Variants in DENND2A observed in about 807,000 individuals in gnomAD.
DENND2A encodes DENN domain containing 2A.
A neutral mutation model predicts 105.3 loss-of-function variants in DENND2A; 53 were observed. The ratio of observed to expected loss-of-function variants is 0.50; its 90% CI spans 0.40 to 0.63. The LOEUF (loss-of-function observed/expected upper bound fraction) is 0.63, where lower values mean the gene tolerates loss of function less well. Among genes scored for constraint, DENND2A ranks in the 30% least tolerant of loss-of-function variants. The pLI, the probability that DENND2A is intolerant of heterozygous loss-of-function variation, is 0.00. For missense variants in DENND2A, 1,138 were observed against 1,279.6 expected (o/e 0.89, Z 1.69); for synonymous variants, 522 against 508.4 (o/e 1.03, Z -0.36).
In DENND2A at chr7:140,520,839, GC is replaced by G. The variant is rs927392321; in HGVS notation, c.2911+1015del. On this transcript the variant is annotated intron_variant, in intron 18 of 19. Coordinates refer to ENST00000496613, the MANE Select transcript of DENND2A (RefSeq NM_015689.5). ...CTCTCAAAGTGCTGGGATTACAGGC[GC>G]GCGCCACAGCGCCCGGCTTTTTCCA... Among the ~76,000 whole-genome samples the G allele has an allele frequency of 5.6e-4, 84 of 151,014 alleles. 1 individual carries two copies. Among genetic ancestry groups the G allele is most frequent in the Admixed American group, 1.3e-4 (2 of 15,188 alleles).
In DENND2A at chr7:140,585,718, C is replaced by T; in HGVS notation, c.1124-8G>A. On this transcript the variant is annotated splice_region_variant and splice_polypyrimidine_tract_variant and intron_variant, in intron 4 of 19. Coordinates refer to ENST00000496613, the MANE Select transcript of DENND2A (RefSeq NM_015689.5). ...TCTCCTTCATTGGCGGATCTGTGTT[C>T]AAAGGCAATGTGTCAGGAACCTGGG... The T allele has an allele frequency of 6.2e-7, 1 of 1,614,164 alleles. No individual in the cohort carries two copies.
chr7:140,554,965 G>T (rs1486878128), intron 12 of DENND2A, among the ~76,000 whole-genome samples: 3 of 152,190 alleles, frequency 2.0e-5, no homozygotes, highest in East Asian at 3.9e-4. Flanking sequence ...ATCTATTACA[G>T]TAGCCTTTTT....
At chr7:140,631,700 A>T (rs1800738867) in intron 1 of DENND2A, among the ~76,000 whole-genome samples, 2 of 152,310 alleles carry the variant, frequency 1.3e-5, no homozygotes, top group Non-Finnish European at 2.9e-5. Flanking sequence ...GACAGTCACC[A>T]CAAGATGCCA....
intron 1 of DENND2A, among the ~76,000 whole-genome samples, chr7:140,612,139 G>A (rs1346319993): frequency 6.6e-6 from 1 of 152,040 alleles, no homozygotes; most frequent in Non-Finnish European, 1.5e-5. Flanking sequence ...TACTTGGGAA[G>A]CTGAGGCAAG....
intron 19 of DENND2A, 51 bp from the exon 20 acceptor site, chr7:140,518,789 A>G (rs1314204374): frequency 6.3e-7 from 1 of 1,595,112 alleles, no homozygotes; most frequent in Non-Finnish European, 8.6e-7. Context: ...AAGGAGGGTG[A>G]GATAAATCTT....
intron 1 of DENND2A, among the ~76,000 whole-genome samples, chr7:140,606,708 C>A (rs1394922084): frequency 6.6e-6 from 1 of 152,114 alleles, no homozygotes; most frequent in Admixed American, 6.6e-5. Flanking sequence ...TAAGGAACAC[C>A]AGGAGATGGT....
intron 5 of DENND2A, among the ~76,000 whole-genome samples, chr7:140,583,361 CT>C (rs1233169534): frequency 3.3e-5 from 5 of 150,104 alleles, no homozygotes. Flanking sequence ...AATGGTTTAA[CT>C]GAGTGTTACA....
At chr7:140,636,454 G>A (rs1484894338) in intron 1 of DENND2A, among the ~76,000 whole-genome samples, 1 of 152,068 alleles carries the variant, frequency 6.6e-6, no homozygotes, top group Non-Finnish European at 1.5e-5. Context: ...GAACAAGCAG[G>A]GCCAGCCTTG....
intron 5 of DENND2A, among the ~76,000 whole-genome samples, chr7:140,584,280 T>C (rs933132379): frequency 1.3e-5 from 2 of 152,170 alleles, no homozygotes; most frequent in African/African-American, 4.8e-5. Context: ...CAAAGGTTGA[T>C]TGAAATACAG....
intron 19 of DENND2A, among the ~76,000 whole-genome samples, chr7:140,519,071 C>T (rs1195601958): frequency 6.6e-6 from 1 of 152,182 alleles, no homozygotes; most frequent in Non-Finnish European, 1.5e-5. Context: ...GTATTTAAAA[C>T]ACTCTGCTTC....
chr7:140,519,747 G>C (rs1795785571), intron 18 of DENND2A, 29 bp from the exon 19 acceptor site: 1 of 1,604,488 alleles, frequency 6.2e-7, no homozygotes, highest in Non-Finnish European at 8.5e-7. Flanking sequence ...CCAGCCATTT[G>C]AGTTCTTGGT....
Position 140,640,621 on chromosome 7 carries a change from G to GGCCCTCC in DENND2A, c.-372_-366dup, listed in dbSNP as rs1320747572. 1.3e-5 allele frequency: 2 copies of GGCCCTCC among 148,466 alleles called. No individual in the cohort carries two copies. Among genetic ancestry groups the GGCCCTCC allele is most frequent in the Non-Finnish European group, 3.0e-5 (2 of 66,468 alleles). The allele number at this position is 148,466 out of a possible 1,614,324, so 9.2% of individuals were successfully genotyped here. Reference sequence around the variant, plus strand: ...CGGCGGCGGGTGCCGGGGACGCCATGGCCCTCCGCCCTCCGCCCCTTTGTC... The same window carrying GGCCCTCC: ...CGGCGGCGGGTGCCGGGGACGCCATGGCCCTCCGCCCTCCGCCCTCCGCCCCTTTGTC... On this transcript the variant is annotated 5_prime_UTR_variant, in exon 1 of 20. Transcript: ENST00000496613. The surrounding 1 kb of genome is among the most constrained non-coding windows in gnomAD (Gnocchi z 4.9).
intron 1 of DENND2A, among the ~76,000 whole-genome samples, chr7:140,636,783 A>G (rs571105784): frequency 2.2e-4 from 33 of 146,758 alleles, no homozygotes; most frequent in Non-Finnish European, 4.3e-4. Context: ...CAACCTCCCT[A>G]GGCTCAAGTG....
chr7:140,634,288 G>A lies in DENND2A; in HGVS notation c.-248+6216C>T, dbSNP rs538738287. 7.9e-5 allele frequency among the ~76,000 whole-genome samples: 12 copies of A among 152,046 alleles called. No homozygotes were observed. In the South Asian group the frequency reaches 2.1e-3, roughly 26 times the overall value. Reference sequence around the variant, plus strand: ...GCTGGGATTACAGGCGTGAGCCACCGCGCCCGGCCTAAAATACATTTCAAA... The same window carrying A: ...GCTGGGATTACAGGCGTGAGCCACCACGCCCGGCCTAAAATACATTTCAAA... On this transcript the variant is annotated intron_variant, in intron 1 of 19. Coordinates refer to ENST00000496613, the MANE Select transcript of DENND2A (RefSeq NM_015689.5).
chr7:140,579,016 C>T (rs1270939007), intron 5 of DENND2A, among the ~76,000 whole-genome samples: 2 of 152,166 alleles, frequency 1.3e-5, no homozygotes, highest in African/African-American at 2.4e-5. Flanking sequence ...TGGCTCATGG[C>T]CTGGAGCGGT....
rs562427753 is a variant in DENND2A, at chr7:140,527,527, C to T, written c.2328-32G>A. The T allele has an allele frequency of 2.5e-5, 39 of 1,561,116 alleles. 1 individual carries two copies. Among genetic ancestry groups the T allele is most frequent in the Admixed American group, 3.7e-5 (2 of 54,632 alleles). On this transcript the variant is annotated intron_variant, in intron 14 of 19. Transcript: ENST00000496613. The surrounding 1 kb of genome is among the most constrained non-coding windows in gnomAD (Gnocchi z 4.9). Reference sequence around the variant, plus strand: ...CCGGGGAGAGAACAGGGAGAGAGGCCGACTCAGCGAGGGCCCGAGGAAGCC... The same window carrying T: ...CCGGGGAGAGAACAGGGAGAGAGGCTGACTCAGCGAGGGCCCGAGGAAGCC...
At chr7:140,553,587 A>G (rs1797231004) in intron 12 of DENND2A, among the ~76,000 whole-genome samples, 1 of 152,164 alleles carries the variant, frequency 6.6e-6, no homozygotes, top group Non-Finnish European at 1.5e-5. Context: ...ATTTCAGACT[A>G]TCCCATGAGG....
rs144788307 is a variant in DENND2A, at chr7:140,552,673, C to T, written c.2037+2963G>A. ...TTGGCCTCCCAAAGTACTAGGATTA[C>T]AGCTGTGAGCCACTGCGCCTGGCCT... On this transcript the variant is annotated intron_variant, in intron 12 of 19. Coordinates refer to ENST00000496613, the MANE Select transcript of DENND2A (RefSeq NM_015689.5). 2.4e-3 allele frequency among the ~76,000 whole-genome samples: 371 copies of T among 152,216 alleles called. 11 individuals are homozygous for T. In the East Asian group the frequency reaches 0.055, roughly 23 times the overall value.
chr7:140,598,403 G>A (rs544534947), intron 3 of DENND2A, among the ~76,000 whole-genome samples: 3 of 152,326 alleles, frequency 2.0e-5, no homozygotes, highest in Non-Finnish European at 2.9e-5. Context: ...AGTTAGGGGC[G>A]AAGTAAGACT....
Sources: allele counts gnomAD v4.1 joint callset (sites outside exome capture counted in the v4.1 genomes callset), GRCh38; gene constraint gnomAD v4.1.1; non-coding constraint Gnocchi (gnomAD v3.1); transcripts MANE v1.5; gene names NCBI Gene and HGNC (gene_info 2026-07-23, HGNC 2026-07-21).